Variants in ADGRV1 observed in about 807,000 individuals in gnomAD.
ADGRV1 encodes the protein G-protein coupled receptor 98.
ADGRV1 carries 359 observed loss-of-function variants against 596.2 expected under a neutral mutation model. That is an observed-to-expected ratio of 0.60 (90% confidence interval 0.55 to 0.66). ADGRV1 has a LOEUF of 0.66. ADGRV1 is among the 30% of genes least tolerant of loss of function. The pLI is 0.00. For synonymous variants in ADGRV1, 2,681 were observed against 2,679.2 expected (o/e 1.00, Z -0.02); for missense variants, 7,274 against 7,575.6 (o/e 0.96, Z 1.48).
At chr5:90,872,964 T>A (rs902645343) in intron 83 of ADGRV1, among the ~76,000 whole-genome samples, 1 of 152,236 alleles carries the variant, frequency 6.6e-6, no homozygotes, top group Non-Finnish European at 1.5e-5. Context: ...TGAAACTTTT[T>A]AATGAGTGGT....
At chr5:91,134,891 T>C (rs747104890) in intron 87 of ADGRV1, among the ~76,000 whole-genome samples, 1 of 152,118 alleles carries the variant, frequency 6.6e-6, no homozygotes, top group Admixed American at 6.5e-5. Flanking sequence ...AAACCAAAAT[T>C]GGAAATTTGG....
At chr5:91,035,862 T>TATA (rs1562121810) in intron 85 of ADGRV1, among the ~76,000 whole-genome samples, 16 of 16,506 alleles carry the variant, frequency 9.7e-4, no homozygotes, top group African/African-American at 1.6e-3. Flanking sequence ...ATATATATAT[T>TATA]ATATATATAT....
At chr5:91,048,036 G>A (rs1314879792) in intron 85 of ADGRV1, among the ~76,000 whole-genome samples, 1 of 152,184 alleles carries the variant, frequency 6.6e-6, no homozygotes, top group Non-Finnish European at 1.5e-5. Context: ...TTATGAATAG[G>A]GAAGAGCGTG....
rs192414433 is a variant in ADGRV1 at position 91,070,026 on chromosome 5, G to T, written c.18153-2421G>T. On this transcript the variant is annotated intron_variant, in intron 85 of 89. Transcript: ENST00000405460. ...ATAGGAACAAAAAACCAAATACCAC[G>T]TGTTTTCACTTATAAGTGGAAGCTA... Among the ~76,000 whole-genome samples, 447 of 152,044 alleles carry T rather than the reference G, an allele frequency of 2.9e-3. 2 individuals are homozygous for T. Among genetic ancestry groups the T allele is most frequent in the African/African-American group, 0.01 (432 of 41,474 alleles).
chr5:90,644,083 C>T (rs1767365876), intron 14 of ADGRV1, 100 bp downstream of exon 14: 1 of 860,964 alleles, frequency 1.2e-6, no homozygotes, highest in Non-Finnish European at 1.7e-6. Context: ...TAGTTGCTCA[C>T]CCTGCCTTAG....
intron 34 of ADGRV1, among the ~76,000 whole-genome samples, chr5:90,702,521 C>T (rs897649147): frequency 3.3e-5 from 5 of 151,684 alleles, no homozygotes; most frequent in African/African-American, 1.2e-4. Context: ...AAGATGGTCT[C>T]TAAATTAATT....
chr5:90,684,516 A>G (rs1745354868), intron 28 of ADGRV1, among the ~76,000 whole-genome samples: 1 of 152,140 alleles, frequency 6.6e-6, no homozygotes, highest in Non-Finnish European at 1.5e-5. Flanking sequence ...TGCTGTAACA[A>G]ACTGCCATAA....
chr5:90,713,803 A>T (rs1008166128), intron 42 of ADGRV1, among the ~76,000 whole-genome samples: 1 of 152,164 alleles, frequency 6.6e-6, no homozygotes. Context: ...CATAGGTGAC[A>T]TGCCCACCTC....
chr5:91,031,867 C>T (rs1784507943), intron 85 of ADGRV1, among the ~76,000 whole-genome samples: 1 of 152,072 alleles, frequency 6.6e-6, no homozygotes, highest in African/African-American at 2.4e-5. Context: ...AAAGAGTAAA[C>T]TAATCCTAGA....
intron 85 of ADGRV1, among the ~76,000 whole-genome samples, chr5:91,063,101 G>T (rs1332521149): frequency 6.6e-6 from 1 of 151,266 alleles, no homozygotes; most frequent in Non-Finnish European, 1.5e-5. Context: ...GGGAACACAG[G>T]CATGGTGCCA....
chr5:90,622,767 G>T, intron 5 of ADGRV1, 66 bp downstream of exon 5: 1 of 764,778 alleles, frequency 1.3e-6, no homozygotes, highest in Non-Finnish European at 1.9e-6. Flanking sequence ...TTTTGAGACA[G>T]TCTTGCTCTG....
intron 83 of ADGRV1, among the ~76,000 whole-genome samples, chr5:90,959,915 A>G (rs370388597): frequency 6.0e-4 from 92 of 152,240 alleles, no homozygotes; most frequent in South Asian, 3.1e-3. Flanking sequence ...TAAGGTGGGC[A>G]GATCACGAGG....
chr5:90,801,718 G>A (rs1485401179), intron 70 of ADGRV1, among the ~76,000 whole-genome samples: 1 of 152,078 alleles, frequency 6.6e-6, no homozygotes, highest in East Asian at 1.9e-4. Context: ...AGAAATGGTT[G>A]ATTTTTACAT....
intron 39 of ADGRV1, among the ~76,000 whole-genome samples, chr5:90,709,593 G>A (rs1196118411): frequency 6.6e-6 from 1 of 152,202 alleles, no homozygotes; most frequent in Non-Finnish European, 1.5e-5. Context: ...ATTAAAGGAA[G>A]AGAAGCATGG....
At chr5:90,940,141 A>G (rs893632287) in intron 83 of ADGRV1, among the ~76,000 whole-genome samples, 1 of 152,234 alleles carries the variant, frequency 6.6e-6, no homozygotes, top group Non-Finnish European at 1.5e-5. Context: ...GCAGAGCAGT[A>G]AAAGAACTGC....
rs76777037 is a variant in ADGRV1, at chr5:91,005,815, A to C, written c.18152+20293A>C. Among the ~76,000 whole-genome samples the C allele has an allele frequency of 3.7e-3, 567 of 152,290 alleles. 5 individuals carry two copies. The highest frequency in any genetic ancestry group is 0.013 in the African/African-American group (551 of 41,572). On this transcript the variant is annotated intron_variant, in intron 85 of 89. Transcript: ENST00000405460. The stretch of plus-strand genomic sequence containing the variant: ...GATCTTGAGCAAAGTCTATTGCAAT[A>C]GCCTCAAAACCAGTTATATCATTTA...
intron 64 of ADGRV1, among the ~76,000 whole-genome samples, chr5:90,780,333 C>G (rs1198941316): frequency 6.6e-6 from 1 of 152,126 alleles, no homozygotes; most frequent in Non-Finnish European, 1.5e-5. Flanking sequence ...GTAACAGTTA[C>G]TCTTATCATT....
intron 85 of ADGRV1, among the ~76,000 whole-genome samples, chr5:91,062,383 C>G (rs1787516169): frequency 6.6e-6 from 1 of 152,204 alleles, no homozygotes; most frequent in Non-Finnish European, 1.5e-5. Flanking sequence ...ATCGTTGTCT[C>G]TGAGGCAGGT....
chr5:90,922,979 A>T (rs932214123), intron 83 of ADGRV1, among the ~76,000 whole-genome samples: 1 of 152,120 alleles, frequency 6.6e-6, no homozygotes, highest in Non-Finnish European at 1.5e-5. Flanking sequence ...TGCTAAATTT[A>T]TACTGAGGGA....
Sources: gnomAD v4.1 joint callset for allele counts (sites outside exome capture counted in the v4.1 genomes callset) on GRCh38, gnomAD v4.1.1 for gene constraint, MANE v1.5 for transcripts, NCBI Gene and HGNC (gene_info 2026-07-23, HGNC 2026-07-21) for gene names.